Variants in YWHAQ observed in about 807,000 individuals in gnomAD.
The protein encoded by YWHAQ is tyrosine 3-monooxygenase/tryptophan 5-monooxygenase activation protein theta.
Under a neutral mutation model 28.3 loss-of-function variants are expected in YWHAQ, and 6 were observed. The observed-to-expected ratio is 0.21, with a 90% confidence interval of 0.12 to 0.42. The LOEUF (loss-of-function observed/expected upper bound fraction) is 0.42, where lower values mean the gene tolerates loss of function less well. Ranked by LOEUF, YWHAQ falls within the 10% of genes least tolerant of loss-of-function variation. YWHAQ has a pLI of 1.00. For missense variants in YWHAQ, 201 were observed against 305.6 expected (o/e 0.66, Z 2.55); for synonymous variants, 143 against 119.1 (o/e 1.20, Z -1.31).
chr2:9,616,747 T>TC (rs1377082760), intron 2 of YWHAQ, among the ~76,000 whole-genome samples: 4 of 152,164 alleles, frequency 2.6e-5, no homozygotes, highest in Non-Finnish European at 5.9e-5. Flanking sequence ...AAACTGGAAC[T>TC]CTCTTACACT....
chr2:9,624,940 T>C (rs6720625), intron 2 of YWHAQ, among the ~76,000 whole-genome samples: 67,100 of 151,364 alleles, frequency 0.44, 18,410 homozygotes, highest in African/African-American at 0.78. Context: ...GATGGGGTTT[T>C]ATCATGTTGC....
intron 2 of YWHAQ, among the ~76,000 whole-genome samples, chr2:9,593,158 T>C (rs1287813011): frequency 6.6e-6 from 1 of 151,820 alleles, no homozygotes; most frequent in Non-Finnish European, 1.5e-5. Context: ...TTTAAAAATA[T>C]ACAATTCTAA....
In YWHAQ at chr2:9,630,389, T is replaced by C; in HGVS notation, c.64A>G (p.Met22Val). Residue 22 changes from methionine (M) to valine (V), a missense_variant, in exon 2 of 6, where the codon ATG (methionine) becomes GTG (valine). By Grantham distance (21) the Met-to-Val change is conservative. This residue lies in a region of YWHAQ where 162 missense variants were observed against 213.9 expected (regional missense o/e 0.76). Coordinates refer to ENST00000238081, the MANE Select transcript of YWHAQ (RefSeq NM_006826.4). The surrounding 1 kb of genome is among the most constrained non-coding windows in gnomAD (Gnocchi z 5.6). ...GTCACTGCCTTCATGCAGGTGGCCA[T>C]GTCGTCGTAGCGCTCGGCCTGCTCG... ...LAEQAERYDD[M>V]ATCMKAVTEQ... The C allele has an allele frequency of 6.2e-7, 1 of 1,613,890 alleles. No homozygotes were observed. Among genetic ancestry groups the C allele is most frequent in the Non-Finnish European group, 8.5e-7 (1 of 1,180,006 alleles).
chr2:9,618,292 A>G (rs1314058198), intron 2 of YWHAQ, among the ~76,000 whole-genome samples: 1 of 152,218 alleles, frequency 6.6e-6, no homozygotes, highest in African/African-American at 2.4e-5. Flanking sequence ...CTGACACTCC[A>G]AGTTTTTACA....
chr2:9,609,757 C>A (rs1334462123), intron 2 of YWHAQ, among the ~76,000 whole-genome samples: 2 of 152,198 alleles, frequency 1.3e-5, no homozygotes, highest in Non-Finnish European at 2.9e-5. Flanking sequence ...CGGAGAAAAA[C>A]AACTGTCAAC....
rs1460109270 is a variant in YWHAQ at position 9,585,166 on chromosome 2, A to G, written c.*120T>C. On this transcript the variant is annotated 3_prime_UTR_variant, in exon 6 of 6. Coordinates refer to ENST00000238081, the MANE Select transcript of YWHAQ (RefSeq NM_006826.4). Reference sequence around the variant, plus strand: ...CAAAGCTGCAGTGTGAAAAGACTATAAACAGTTGATTCCATACACATGAAT... The same window carrying G: ...CAAAGCTGCAGTGTGAAAAGACTATGAACAGTTGATTCCATACACATGAAT... 9.0e-6 allele frequency: 10 copies of G among 1,110,768 alleles called. No individual in the cohort carries two copies. The highest frequency in any genetic ancestry group is 4.2e-5 in the Admixed American group (2 of 47,768). 68.8% of individuals were successfully genotyped at this position (1,110,768 alleles called of 1,614,324 possible).
chr2:9,617,042 G>A (rs1199884528), intron 2 of YWHAQ, among the ~76,000 whole-genome samples: 3 of 151,914 alleles, frequency 2.0e-5, no homozygotes, highest in Non-Finnish European at 4.4e-5. Context: ...CTCACTGCAA[G>A]CTCCGCCTCC....
chr2:9,629,308 T>G (rs1667308609), intron 2 of YWHAQ, among the ~76,000 whole-genome samples: 1 of 152,232 alleles, frequency 6.6e-6, no homozygotes, highest in South Asian at 2.1e-4. Context: ...CTGGATATAA[T>G]GCTGGTATTT....
chr2:9,611,949 G>A (rs1271183568), intron 2 of YWHAQ, among the ~76,000 whole-genome samples: 4 of 152,194 alleles, frequency 2.6e-5, no homozygotes. Flanking sequence ...AATTACAGGC[G>A]TGAGCCACTG....
chr2:9,612,276 G>C (rs1483026863), intron 2 of YWHAQ, among the ~76,000 whole-genome samples: 1 of 152,112 alleles, frequency 6.6e-6, no homozygotes, highest in Non-Finnish European at 1.5e-5. Flanking sequence ...TTTACACCTT[G>C]CTGCCAGATT....
chr2:9,628,433 T>G (rs989758589), intron 2 of YWHAQ, among the ~76,000 whole-genome samples: 1 of 152,144 alleles, frequency 6.6e-6, no homozygotes, highest in Non-Finnish European at 1.5e-5. Flanking sequence ...AAAGCAGAAT[T>G]TATAAGAGCC....
intron 2 of YWHAQ, among the ~76,000 whole-genome samples, chr2:9,620,896 C>T (rs1274163843): frequency 6.6e-6 from 1 of 152,106 alleles, no homozygotes; most frequent in Non-Finnish European, 1.5e-5. Context: ...ATAAAATTCT[C>T]GTAGAACAGC....
chr2:9,590,112 C>A (rs775728765), intron 3 of YWHAQ, among the ~76,000 whole-genome samples: 3 of 152,158 alleles, frequency 2.0e-5, no homozygotes, highest in Non-Finnish European at 2.9e-5. Context: ...TGAATCGCAG[C>A]CTATCAGAAT....
At chr2:9,605,233 G>A (rs1666798339) in intron 2 of YWHAQ, among the ~76,000 whole-genome samples, 1 of 150,342 alleles carries the variant, frequency 6.7e-6, no homozygotes, top group East Asian at 1.9e-4. Context: ...CAACTTCTAG[G>A]CTCGAGTAAT....
intron 2 of YWHAQ, among the ~76,000 whole-genome samples, chr2:9,597,983 C>CTTTTTTTT (rs1558543507): frequency 7.6e-5 from 6 of 79,078 alleles, no homozygotes; most frequent in African/African-American, 5.0e-4. Flanking sequence ...CCATGCCGGG[C>CTTTTTTTT]TATTTTTTTT....
At chr2:9,597,554 G>T (rs1666597577) in intron 2 of YWHAQ, among the ~76,000 whole-genome samples, 1 of 147,050 alleles carries the variant, frequency 6.8e-6, no homozygotes, top group Admixed American at 6.9e-5. Context: ...GCTGAGGCAG[G>T]AGAATCGCTT....
At chr2:9,608,506 T>A (rs1666879877) in intron 2 of YWHAQ, among the ~76,000 whole-genome samples, 1 of 152,192 alleles carries the variant, frequency 6.6e-6, no homozygotes, top group South Asian at 2.1e-4. Context: ...ATTTCATGCA[T>A]GATGTATGAA....
intron 2 of YWHAQ, among the ~76,000 whole-genome samples, chr2:9,598,520 G>A (rs1438723642): frequency 6.6e-6 from 1 of 152,030 alleles, no homozygotes; most frequent in Non-Finnish European, 1.5e-5. Flanking sequence ...GTCTATCAGA[G>A]CCAATTTCCA....
intron 2 of YWHAQ, among the ~76,000 whole-genome samples, chr2:9,599,907 A>C (rs2125065771): frequency 6.6e-6 from 1 of 152,234 alleles, no homozygotes; most frequent in South Asian, 2.1e-4. Context: ...TTCTTCTGAC[A>C]GATCTGGGAA....
Sources: allele counts gnomAD v4.1 joint callset (sites outside exome capture counted in the v4.1 genomes callset), GRCh38; gene constraint gnomAD v4.1.1; regional missense constraint gnomAD v4.1.1; non-coding constraint Gnocchi (gnomAD v3.1); transcripts MANE v1.5; gene names NCBI Gene and HGNC (gene_info 2026-07-23, HGNC 2026-07-21).